Variants in FRMPD3 observed in about 807,000 individuals in gnomAD.
The protein encoded by FRMPD3 is FERM and PDZ domain-containing protein 3.
In FRMPD3, 42 loss-of-function variants were observed where a neutral mutation model predicts 97.9. The observed-to-expected ratio is 0.43, with a 90% CI of 0.34 to 0.55. The LOEUF (loss-of-function observed/expected upper bound fraction) is 0.55, where lower values mean the gene tolerates loss of function less well. FRMPD3 is among the 20% of genes least tolerant of loss of function. FRMPD3 has a pLI of 0.03. For synonymous variants in FRMPD3, 577 were observed against 581.1 expected (o/e 0.99, Z 0.10); for missense variants, 1,303 against 1,457.7 (o/e 0.89, Z 1.73).
chrX:107,501,849 TC>T (rs748358722), intron 1 of FRMPD3, among the ~76,000 whole-genome samples: 31 of 109,244 alleles, frequency 2.8e-4, no homozygotes, highest in African/African-American at 9.7e-4. Context: ...AAAAGCCTTC[TC>T]ACCTCTCCAA....
At chrX:107,555,431 C>T (rs969931788) in intron 8 of FRMPD3, among the ~76,000 whole-genome samples, 1 of 112,035 alleles carries the variant, frequency 8.9e-6, no homozygotes, top group Admixed American at 9.5e-5. Context: ...GCATCAGCAT[C>T]AACTGGGACC....
chrX:107,524,520 C>T (rs1469170355), intron 1 of FRMPD3, among the ~76,000 whole-genome samples: 1 of 112,309 alleles, frequency 8.9e-6, no homozygotes, highest in Non-Finnish European at 1.9e-5. Context: ...GAGACAACTT[C>T]AGAGTTCTTT....
intron 1 of FRMPD3, among the ~76,000 whole-genome samples, chrX:107,450,374 T>C (rs939134453): frequency 4.5e-5 from 5 of 110,936 alleles, no homozygotes; most frequent in African/African-American, 1.6e-4. Context: ...GCCTGGCTGC[T>C]AGGAGGTGGC....
At chrX:107,468,171 A>C (rs1931608082) in intron 1 of FRMPD3, among the ~76,000 whole-genome samples, 1 of 111,917 alleles carries the variant, frequency 8.9e-6, no homozygotes, top group African/African-American at 3.3e-5. Context: ...AAATGAATGA[A>C]AACATTGAGG....
chrX:107,603,316 A>G lies in FRMPD3; in HGVS notation c.5277A>G (p.Pro1759=), dbSNP rs749137669. Residue 1759 remains proline (P), a synonymous_variant, in exon 15 of 15, where the codon CCA becomes CCG. Transcript: ENST00000683843. ...GAATEHPPGS[P]TSATVMSTFT... ...CCACAGAGCATCCACCAGGCTCCCC[A>G]ACTTCGGCGACTGTTATGAGCACAT... 1 of 1,145,327 alleles carries G rather than the reference A, an allele frequency of 8.7e-7. No individual in the cohort carries two copies. Among genetic ancestry groups the G allele is most frequent in the East Asian group, 3.3e-5 (1 of 30,061 alleles). The allele number at this position is 1,145,327 out of a possible 1,213,427, so 94.4% of individuals were successfully genotyped here. A position where few individuals can be genotyped will look rare whatever the true frequency, so the allele number is the denominator to read the frequency against.
At chrX:107,569,741 G>T (rs1922791510) in intron 12 of FRMPD3, among the ~76,000 whole-genome samples, 1 of 112,536 alleles carries the variant, frequency 8.9e-6, no homozygotes, top group African/African-American at 3.2e-5. Flanking sequence ...TGTGGGCTGG[G>T]TGCAGTGGCT....
chrX:107,550,285 T>G, intron 6 of FRMPD3, 129 bp downstream of exon 6: 1 of 482,329 alleles, frequency 2.1e-6, no homozygotes, highest in Admixed American at 3.3e-5. Flanking sequence ...AAGCTCTGGA[T>G]GCTTGTTAGC....
intron 12 of FRMPD3, among the ~76,000 whole-genome samples, chrX:107,569,294 CAA>C (rs752263727): frequency 6.6e-4 from 14 of 21,246 alleles, no homozygotes; most frequent in African/African-American, 1.5e-3. Context: ...GACTCCATCT[CAA>C]AAAAAAAAAA....
intron 1 of FRMPD3, among the ~76,000 whole-genome samples, chrX:107,501,311 A>G (rs1921897857): frequency 9.8e-6 from 1 of 101,904 alleles, no homozygotes; most frequent in Non-Finnish European, 2.0e-5. Flanking sequence ...AAAGGTTTTT[A>G]AAGAAAGCTC....
intron 1 of FRMPD3, among the ~76,000 whole-genome samples, chrX:107,471,357 C>G (rs1190837650): frequency 1.7e-5 from 1 of 59,213 alleles, no homozygotes; most frequent in Non-Finnish European, 3.0e-5. Flanking sequence ...AAAAAAAAAA[C>G]GGGATACATG....
At chrX:107,556,036 G>C (rs1040426407) in intron 8 of FRMPD3, among the ~76,000 whole-genome samples, 16 of 111,489 alleles carry the variant, frequency 1.4e-4, no homozygotes, top group African/African-American at 5.2e-4. Context: ...ATGGGTTTAG[G>C]GTAAAGATGA....
intron 1 of FRMPD3, among the ~76,000 whole-genome samples, chrX:107,504,154 G>C (rs1428717511): frequency 5.3e-5 from 6 of 112,832 alleles, no homozygotes; most frequent in African/African-American, 1.9e-4. Context: ...AACAGGCTCT[G>C]AGACTGCCAA....
rs755462854 is a variant in FRMPD3, at chrX:107,597,757, C to A, written c.1878C>A (p.Arg626=). 1.7e-6 allele frequency: 2 copies of A among 1,194,526 alleles called. No homozygotes were observed. The highest frequency in any genetic ancestry group is 2.3e-6 in the Non-Finnish European group (2 of 887,071). ...KAKLQEQLGP[R]KGGKPGSSRD... ...AACTTCAGGAGCAGCTGGGCCCTCG[C>A]AAAGGTGGGAAGCCTGGCTCCTCTC... The change falls in exon 14 of 15, where the codon CGC becomes CGA. Residue 626 remains arginine, a synonymous_variant. Coordinates refer to ENST00000683843, the MANE Select transcript of FRMPD3 (RefSeq NM_001388459.1).
chrX:107,497,919 G>A (rs901744151), intron 1 of FRMPD3, among the ~76,000 whole-genome samples: 1 of 111,769 alleles, frequency 8.9e-6, no homozygotes, highest in African/African-American at 3.3e-5. Flanking sequence ...GTGTGTGCAT[G>A]CACGTGCATG....
chrX:107,450,252 C>T (rs1931257314), intron 1 of FRMPD3, among the ~76,000 whole-genome samples: 1 of 111,183 alleles, frequency 9.0e-6, no homozygotes, highest in African/African-American at 3.3e-5. Context: ...GTTTGGCCTC[C>T]GCGGGTGCGG....
intron 12 of FRMPD3, among the ~76,000 whole-genome samples, chrX:107,568,758 G>C (rs1029052694): frequency 9.1e-6 from 1 of 109,962 alleles, no homozygotes; most frequent in Non-Finnish European, 1.9e-5. Context: ...AAAATTAAAA[G>C]ACAGAAAAAA....
In FRMPD3 at chrX:107,603,617, C is replaced by T. The variant is rs1309891676; in HGVS notation, c.*244C>T. ...CTGGGCCTCACTGTGAGGGCAAAGGCCCCTCTTCACTCTGCTCACAGCAGA... is the reference window on the plus strand; with the variant it reads ...CTGGGCCTCACTGTGAGGGCAAAGGTCCCTCTTCACTCTGCTCACAGCAGA... On this transcript the variant is annotated 3_prime_UTR_variant, in exon 15 of 15. Transcript: ENST00000683843. 8.9e-6 allele frequency: 4 copies of T among 450,670 alleles called. No homozygotes were observed. Among genetic ancestry groups the T allele is most frequent in the Non-Finnish European group, 3.5e-6 (1 of 287,416 alleles). The allele number at this position is 450,670 out of a possible 1,213,427, so 37.1% of individuals were successfully genotyped here.
At chrX:107,594,433 T>C (rs1003540649) in intron 13 of FRMPD3, among the ~76,000 whole-genome samples, 5 of 112,396 alleles carry the variant, frequency 4.4e-5, no homozygotes, top group South Asian at 3.7e-4. Flanking sequence ...AGTCACCCTA[T>C]TGCGTTATCA....
rs138558743 is a variant in FRMPD3 at position 107,500,281 on chromosome X, G to A, written c.-7-26301G>A. On this transcript the variant is annotated intron_variant, in intron 1 of 14. Transcript: ENST00000683843. Reference sequence around the variant, plus strand: ...TAATTATTGTTGGGTGGGCCCTTCAGGTCCAGGGTTGCCAGGTAGGATTTT... The same window carrying A: ...TAATTATTGTTGGGTGGGCCCTTCAAGTCCAGGGTTGCCAGGTAGGATTTT... Among the ~76,000 whole-genome samples, 296 of 111,524 alleles carry A rather than the reference G, an allele frequency of 2.7e-3. 4 individuals are homozygous for A. The highest frequency in any genetic ancestry group is 9.2e-3 in the African/African-American group (281 of 30,671).
Sources: allele counts gnomAD v4.1 joint callset (sites outside exome capture counted in the v4.1 genomes callset), GRCh38; gene constraint gnomAD v4.1.1; transcripts MANE v1.5; gene names NCBI Gene and HGNC (gene_info 2026-07-23, HGNC 2026-07-21).